Variants in SOX6 observed in about 807,000 individuals in gnomAD.
The protein encoded by SOX6 is transcription factor SOX-6.
A neutral mutation model predicts 97.8 loss-of-function variants in SOX6; 11 were observed. The ratio of observed to expected loss-of-function variants is 0.11; its 90% CI spans 0.07 to 0.19. The LOEUF (loss-of-function observed/expected upper bound fraction) is 0.19. SOX6 is among the 10% of genes least tolerant of loss of function. The pLI, the probability that SOX6 is intolerant of heterozygous loss-of-function variation, is 1.00. For missense variants in SOX6, 810 were observed against 1,039.5 expected (o/e 0.78, Z 3.04); for synonymous variants, 360 against 371.4 (o/e 0.97, Z 0.35).
At chr11:16,195,756 T>C (rs961267121) in intron 4 of SOX6, among the ~76,000 whole-genome samples, 2 of 152,138 alleles carry the variant, frequency 1.3e-5, no homozygotes, top group Non-Finnish European at 2.9e-5. Flanking sequence ...ACTCCGACAT[T>C]CTCTGGCATT....
At chr11:16,726,394 G>C (rs1202835150) in intron 2 of SOX6, among the ~76,000 whole-genome samples, 1 of 152,194 alleles carries the variant, frequency 6.6e-6, no homozygotes, top group Non-Finnish European at 1.5e-5. Context: ...TCCAGCTTGG[G>C]TGACAGAGTG....
At chr11:16,254,677 C>T (rs1472284581) in intron 3 of SOX6, among the ~76,000 whole-genome samples, 2 of 151,632 alleles carry the variant, frequency 1.3e-5, no homozygotes, top group Non-Finnish European at 2.9e-5. Context: ...TCGATTAAAA[C>T]CACAAAAGGC....
chr11:16,400,593 C>T (rs1565132042), intron 1 of SOX6, among the ~76,000 whole-genome samples: 1 of 151,280 alleles, frequency 6.6e-6, no homozygotes, highest in Non-Finnish European at 1.5e-5. Flanking sequence ...AGACTATTAA[C>T]ATAAAAAAAT....
chr11:16,670,143 T>A (rs7110273), intron 3 of SOX6, among the ~76,000 whole-genome samples: 3,531 of 152,196 alleles, frequency 0.023, 144 homozygotes, highest in African/African-American at 0.081. Flanking sequence ...GTGCCTGGAG[T>A]TTCCCTGGGG....
chr11:16,570,987 A>G (rs571235973), intron 4 of SOX6, among the ~76,000 whole-genome samples: 5 of 152,256 alleles, frequency 3.3e-5, no homozygotes, highest in African/African-American at 1.2e-4. Context: ...CCCCTTTTTC[A>G]TACCAAATAC....
At chr11:16,507,435 T>TA (rs1195343929) in intron 4 of SOX6, among the ~76,000 whole-genome samples, 1 of 151,838 alleles carries the variant, frequency 6.6e-6, no homozygotes, top group African/African-American at 2.4e-5. Context: ...TTTATGAAAC[T>TA]AAAAAAAGGG....
intron 4 of SOX6, among the ~76,000 whole-genome samples, chr11:16,523,147 G>T (rs1176546206): frequency 6.6e-6 from 1 of 151,406 alleles, no homozygotes; most frequent in Non-Finnish European, 1.5e-5. Flanking sequence ...GACATCTACA[G>T]GACTCTCCAT....
At chr11:16,650,321 G>T (rs1467771698) in intron 3 of SOX6, among the ~76,000 whole-genome samples, 1 of 151,868 alleles carries the variant, frequency 6.6e-6, no homozygotes, top group Non-Finnish European at 1.5e-5. Flanking sequence ...ACAACTTCAG[G>T]ATACACATTC....
intron 4 of SOX6, among the ~76,000 whole-genome samples, chr11:16,532,002 T>C (rs56207515): frequency 0.019 from 2,813 of 152,030 alleles, 36 homozygotes; most frequent in Non-Finnish European, 0.03. Flanking sequence ...TTAAGCTTTG[T>C]TGTCTTTGTC....
At chr11:16,276,579 A>G (rs1383990652) in intron 3 of SOX6, among the ~76,000 whole-genome samples, 1 of 152,168 alleles carries the variant, frequency 6.6e-6, no homozygotes, top group Non-Finnish European at 1.5e-5. Flanking sequence ...ATTCTTCGTC[A>G]TGCACCATCC....
At chr11:16,483,920 T>A (rs1275577980) in intron 4 of SOX6, among the ~76,000 whole-genome samples, 1 of 152,222 alleles carries the variant, frequency 6.6e-6, no homozygotes, top group Admixed American at 6.5e-5. Context: ...ACCAAGTTCC[T>A]CTGCATGGGG....
chr11:15,976,777 C>T (rs973441512), intron 15 of SOX6, among the ~76,000 whole-genome samples: 10 of 152,120 alleles, frequency 6.6e-5, no homozygotes, highest in Admixed American at 2.6e-4. Flanking sequence ...TTCTGTATAA[C>T]CCTTTTTCTA....
chr11:16,013,887 C>T (rs552447097), intron 13 of SOX6, among the ~76,000 whole-genome samples: 6 of 152,120 alleles, frequency 3.9e-5, no homozygotes, highest in Non-Finnish European at 7.4e-5. Flanking sequence ...TTAGATGCTG[C>T]TATGAAGTGT....
rs535278306 is a variant in SOX6 at position 16,151,393 on chromosome 11, A to C, written c.777+32493T>G. On this transcript the variant is annotated intron_variant, in intron 6 of 15. Transcript: ENST00000683767. ...GAGTAATACTTTGAATTCACTATTT[A>C]CATTTGGACACTATTAAAATTCATC... Among the ~76,000 whole-genome samples the C allele has an allele frequency of 3.1e-4, 47 of 152,298 alleles. No homozygotes were observed. The South Asian group carries it at 3.5e-3, about 11-fold the overall frequency.
intron 4 of SOX6, among the ~76,000 whole-genome samples, chr11:16,581,939 C>T (rs1305073770): frequency 9.3e-5 from 13 of 140,326 alleles, no homozygotes; most frequent in Middle Eastern, 3.7e-3. Flanking sequence ...CCAACCTGGG[C>T]GACAGAGTGA....
chr11:16,686,242 C>G (rs529800093), intron 3 of SOX6, among the ~76,000 whole-genome samples: 1 of 152,360 alleles, frequency 6.6e-6, no homozygotes, highest in East Asian at 1.9e-4. Context: ...TGGTTGAATT[C>G]CTCTTCCCAA....
intron 13 of SOX6, among the ~76,000 whole-genome samples, chr11:15,995,124 A>C (rs757508885): frequency 6.6e-6 from 1 of 152,198 alleles, no homozygotes; most frequent in Admixed American, 6.5e-5. Context: ...GGAAGACTCA[A>C]ATGAACCCAT....
At chr11:16,298,871 T>C (rs529529024) in intron 3 of SOX6, among the ~76,000 whole-genome samples, 35 of 152,176 alleles carry the variant, frequency 2.3e-4, no homozygotes, top group South Asian at 2.1e-4. Flanking sequence ...GATAGAGTTT[T>C]AATATAGAAG....
intron 6 of SOX6, among the ~76,000 whole-genome samples, chr11:16,126,318 C>T (rs1044973745): frequency 6.6e-6 from 1 of 151,990 alleles, no homozygotes; most frequent in Non-Finnish European, 1.5e-5. Flanking sequence ...ACACAAAATC[C>T]AGTTTTGATT....
Sources: gnomAD v4.1 joint callset for allele counts (sites outside exome capture counted in the v4.1 genomes callset) on GRCh38, gnomAD v4.1.1 for gene constraint, MANE v1.5 for transcripts, NCBI Gene and HGNC (gene_info 2026-07-23, HGNC 2026-07-21) for gene names.